The following DRAM2 variants were observed in gnomAD, a reference collection of about 807,000 sequenced individuals.
DRAM2 encodes the protein DNA damage-regulated autophagy modulator protein 2.
In DRAM2, 26 loss-of-function variants were observed where a neutral mutation model predicts 33.5. That is an observed-to-expected ratio of 0.78 (90% confidence interval 0.57 to 1.08). The LOEUF is 1.08. Among genes scored for constraint, DRAM2 ranks in the 50% least tolerant of loss-of-function variants. The pLI, the probability that DRAM2 is intolerant of heterozygous loss-of-function variation, is 0.00. For missense variants in DRAM2, 311 were observed against 318.1 expected (o/e 0.98, Z 0.17); for synonymous variants, 98 against 109.5 (o/e 0.89, Z 0.66).
At position 111,132,830 on chromosome 1, in the gene DRAM2, G is replaced by A. The variant is rs113344504; in HGVS notation, c.-14-1262C>T. On this transcript the variant is annotated intron_variant, in intron 3 of 9. Coordinates refer to ENST00000484310, the MANE Select transcript of DRAM2 (RefSeq NM_001349884.2). ...CCAAGTAGCTGGGACCACAAGTAAC[G>A]CACCACCATGCCCAGCTAACTTTAT... Among the ~76,000 whole-genome samples the A allele has an allele frequency of 4.6e-5, 7 of 151,222 alleles. 1 individual carries two copies. The highest frequency in any genetic ancestry group is 1.7e-4 in the African/African-American group (7 of 41,194).
chr1:111,119,407 T>C (rs990854807), intron 8 of DRAM2, among the ~76,000 whole-genome samples: 7 of 152,170 alleles, frequency 4.6e-5, no homozygotes, highest in African/African-American at 1.7e-4. Context: ...GAACTCATTT[T>C]ATTCTTTAGT....
intron 8 of DRAM2, among the ~76,000 whole-genome samples, chr1:111,119,104 A>C (rs1571010936): frequency 6.6e-6 from 1 of 151,962 alleles, no homozygotes; most frequent in African/African-American, 2.4e-5. Context: ...TTTCACTGGG[A>C]GCGAATAAAA....
intron 4 of DRAM2, among the ~76,000 whole-genome samples, chr1:111,129,318 TG>T (rs1156999746): frequency 2.6e-5 from 4 of 152,224 alleles, no homozygotes; most frequent in Admixed American, 2.6e-4. Context: ...AAGAGACAGA[TG>T]TTTCAAAAGC....
At chr1:111,134,292 T>C (rs950061812) in intron 3 of DRAM2, among the ~76,000 whole-genome samples, 5 of 152,052 alleles carry the variant, frequency 3.3e-5, no homozygotes, top group Admixed American at 2.6e-4. Flanking sequence ...TGAAGGAGTA[T>C]CTTCTCATAT....
At chr1:111,131,381 G>C in intron 4 of DRAM2, 43 bp downstream of exon 4, 1 of 1,531,980 alleles carries the variant, frequency 6.5e-7, no homozygotes, top group East Asian at 2.3e-5. Context: ...AAATAAGAAT[G>C]AGACATAAAG....
At chr1:111,122,225 T>G (rs556007279) in intron 6 of DRAM2, among the ~76,000 whole-genome samples, 1 of 152,180 alleles carries the variant, frequency 6.6e-6, no homozygotes, top group Non-Finnish European at 1.5e-5. Context: ...CAAAATGAGA[T>G]GTATATACGT....
intron 3 of DRAM2, among the ~76,000 whole-genome samples, chr1:111,136,340 C>T (rs867814726): frequency 1.2e-4 from 18 of 152,080 alleles, no homozygotes; most frequent in African/African-American, 2.4e-4. Flanking sequence ...CCGAGGCAGG[C>T]GGATCACGAG....
At chr1:111,130,194 A>C (rs913815036) in intron 4 of DRAM2, among the ~76,000 whole-genome samples, 1 of 152,212 alleles carries the variant, frequency 6.6e-6, no homozygotes, top group Admixed American at 6.5e-5. Flanking sequence ...TAATACGTCA[A>C]AAATATCTAG....
At chr1:111,133,807 T>G (rs913145794) in intron 3 of DRAM2, among the ~76,000 whole-genome samples, 1 of 152,236 alleles carries the variant, frequency 6.6e-6, no homozygotes, top group Admixed American at 6.5e-5. Flanking sequence ...CTAGCACACC[T>G]TCAGACATTC....
chr1:111,126,087 C>T, intron 5 of DRAM2, 140 bp downstream of exon 5: 2 of 605,264 alleles, frequency 3.3e-6, no homozygotes, highest in Admixed American at 5.0e-5. Context: ...TTAAAAGGAG[C>T]ATAATTATGA....
intron 4 of DRAM2, among the ~76,000 whole-genome samples, chr1:111,126,530 A>T (rs1253328354): frequency 1.3e-5 from 2 of 151,998 alleles, no homozygotes; most frequent in East Asian, 3.8e-4. Flanking sequence ...AGTAGAAATC[A>T]ATATATATTG....
Position 111,131,421 on chromosome 1 carries a change from T to TA in DRAM2, c.131+2dup. The TA allele has an allele frequency of 6.2e-7, 1 of 1,612,126 alleles. No homozygotes were observed. Among genetic ancestry groups the TA allele is most frequent in the Non-Finnish European group, 8.5e-7 (1 of 1,179,090 alleles). ...TCCTATACAAAGAATACATTTCACT[T>TA]ACCTGATATAAGGTAAAGCCGGGTC... is the stretch of plus-strand genomic sequence containing the variant. On this transcript the variant is annotated splice_region_variant and intron_variant, in intron 4 of 9. Coordinates refer to ENST00000484310, the MANE Select transcript of DRAM2 (RefSeq NM_001349884.2).
At chr1:111,122,362 GAGA>G (rs1377965148) in intron 6 of DRAM2, among the ~76,000 whole-genome samples, 2 of 151,422 alleles carry the variant, frequency 1.3e-5, no homozygotes, top group Non-Finnish European at 2.9e-5. Context: ...TAAGCTAGTT[GAGA>G]AGAAGACAGT....
chr1:111,119,103 G>C (rs1398145070), intron 8 of DRAM2, among the ~76,000 whole-genome samples: 1 of 151,800 alleles, frequency 6.6e-6, no homozygotes, highest in East Asian at 1.9e-4. Context: ...GTTTCACTGG[G>C]AGCGAATAAA....
Position 111,117,533 on chromosome 1 carries a change from T to C in DRAM2, c.*627A>G, listed in dbSNP as rs978412370. 6.6e-6 allele frequency: 1 copy of C among 152,442 alleles called. No individual in the cohort carries two copies. The allele number at this position is 152,442 out of a possible 1,614,324, so 9.4% of individuals were successfully genotyped here. On this transcript the variant is annotated 3_prime_UTR_variant, in exon 10 of 10. Coordinates refer to ENST00000484310, the MANE Select transcript of DRAM2 (RefSeq NM_001349884.2). ...GCAAGCATGTGTATGATAGACCAAT[T>C]AGCTTAGTATCTGGCATTGTGGCCA...
At position 111,119,970 on chromosome 1, in the gene DRAM2, A is replaced by G. The variant is rs562890576; in HGVS notation, c.518-11T>C. On this transcript the variant is annotated splice_polypyrimidine_tract_variant and intron_variant, in intron 7 of 9. Coordinates refer to ENST00000484310, the MANE Select transcript of DRAM2 (RefSeq NM_001349884.2). ...ATGAGCAAGTCAGCACTATAAAAAC[A>G]TAAGTCAAGGAAGAATCTCAGAGAC... 7.7e-5 allele frequency: 124 copies of G among 1,610,074 alleles called. No homozygotes were observed. The South Asian group carries it at 1.1e-3, about 14-fold the overall frequency.
In DRAM2 at chr1:111,136,835, G is replaced by A. The variant is rs187410743; in HGVS notation, c.-15+688C>T. Among the ~76,000 whole-genome samples, 1,155 of 151,640 alleles carry A rather than the reference G, an allele frequency of 7.6e-3. 8 individuals carry two copies. The highest frequency in any genetic ancestry group is 0.012 in the Non-Finnish European group (823 of 67,952). On this transcript the variant is annotated intron_variant, in intron 3 of 9. Coordinates refer to ENST00000484310, the MANE Select transcript of DRAM2 (RefSeq NM_001349884.2). ...TAGAAATACAAAAAATTAGCCGGGG[G>A]TGATGGCAGGCGCCTGTAGTCTCAG...
chr1:111,133,360 T>C (rs1027603352), intron 3 of DRAM2, among the ~76,000 whole-genome samples: 3 of 152,076 alleles, frequency 2.0e-5, no homozygotes, highest in African/African-American at 7.2e-5. Context: ...GTATTTTTAG[T>C]AGAGATGGGA....
At chr1:111,136,266 G>A (rs1236116149) in intron 3 of DRAM2, among the ~76,000 whole-genome samples, 1 of 152,018 alleles carries the variant, frequency 6.6e-6, no homozygotes, top group African/African-American at 2.4e-5. Context: ...TTTCTCCTTT[G>A]AAAAATGGAA....
Sources: gnomAD v4.1 joint callset for allele counts (sites outside exome capture counted in the v4.1 genomes callset) on GRCh38, gnomAD v4.1.1 for gene constraint, MANE v1.5 for transcripts, NCBI Gene and HGNC (gene_info 2026-07-23, HGNC 2026-07-21) for gene names.